The following PIEZO2 variants were observed in gnomAD, a reference collection of about 807,000 sequenced individuals.
PIEZO2 encodes the protein piezo type mechanosensitive ion channel component 2, also known as piezo-type mechanosensitive ion channel component 2.
In PIEZO2, 172 loss-of-function variants were observed where a neutral mutation model predicts 337.3. The ratio of observed to expected loss-of-function variants is 0.51; its 90% CI spans 0.45 to 0.58. The LOEUF is 0.58. Ranked by LOEUF, PIEZO2 falls within the 20% of genes least tolerant of loss-of-function variation. PIEZO2 has a pLI of 0.00. For missense variants in PIEZO2, 3,028 were observed against 3,391.3 expected (o/e 0.89, Z 2.66); for synonymous variants, 1,251 against 1,228.5 (o/e 1.02, Z -0.38).
rs2036534767 is a variant in PIEZO2, at chr18:10,726,283, G to C, written c.5029+5124C>G. Reference sequence around the variant, plus strand: ...TGTTCGGGAGCATGAGAATGGAAGCGTCGCGGCCAGAGCCCCGGCCAGGTG... The same window carrying C: ...TGTTCGGGAGCATGAGAATGGAAGCCTCGCGGCCAGAGCCCCGGCCAGGTG... On this transcript the variant is annotated intron_variant, in intron 36 of 55. Coordinates refer to ENST00000674853, the MANE Select transcript of PIEZO2 (RefSeq NM_001378183.1). The surrounding 1 kb of genome is among the most constrained non-coding windows in gnomAD (Gnocchi z 5.9). 14 of 906,066 alleles carry C rather than the reference G, an allele frequency of 1.5e-5. No individual in the cohort carries two copies. Among genetic ancestry groups the C allele is most frequent in the Non-Finnish European group, 2.4e-5 (14 of 584,202 alleles). 56.1% of individuals were successfully genotyped at this position (906,066 alleles called of 1,614,324 possible). A position where few individuals can be genotyped will look rare whatever the true frequency, so the allele number is the denominator to read the frequency against.
Position 10,705,573 on chromosome 18 carries a change from C to T in PIEZO2, c.5762G>A (p.Ser1921Asn), listed in dbSNP as rs553122682. The change falls in exon 41 of 56, where the codon AGC (serine) becomes AAC (asparagine). Residue 1921 changes from serine to asparagine, a missense_variant. Around this residue, in one of 5 missense-constraint regions of PIEZO2, gnomAD observed 1,925 missense variants for 2,051.9 expected, o/e 0.94. Coordinates refer to ENST00000674853, the MANE Select transcript of PIEZO2 (RefSeq NM_001378183.1). ...DVGAMGAEEA[S>N]LTPEEELTQF... ...TGTCAGCTCTTCCTCTGGGGTGAGGCTGGCCTCCTCGGCACCCATGGCTCC... is the reference window on the plus strand; with the variant it reads ...TGTCAGCTCTTCCTCTGGGGTGAGGTTGGCCTCCTCGGCACCCATGGCTCC... 4 of 1,537,244 alleles carry T rather than the reference C, an allele frequency of 2.6e-6. No homozygotes were observed. The highest frequency in any genetic ancestry group is 3.5e-6 in the Non-Finnish European group (4 of 1,146,898).
chr18:11,006,692 T>C (rs1377191439), intron 2 of PIEZO2, among the ~76,000 whole-genome samples: 2 of 152,060 alleles, frequency 1.3e-5, no homozygotes, highest in Non-Finnish European at 2.9e-5. Context: ...CTTTCTTTCC[T>C]CCTCCCCTGC....
chr18:11,140,295 A>C (rs1432550793), intron 1 of PIEZO2, among the ~76,000 whole-genome samples: 1 of 152,146 alleles, frequency 6.6e-6, no homozygotes, highest in Non-Finnish European at 1.5e-5. Context: ...GATCCCTTCC[A>C]CTACAGCATA....
chr18:11,102,334 C>G lies in PIEZO2; in HGVS notation c.65-36112G>C, dbSNP rs920429351. Among the ~76,000 whole-genome samples, 1 of 152,196 alleles carries G rather than the reference C, an allele frequency of 6.6e-6. No individual in the cohort carries two copies. The highest frequency in any genetic ancestry group is 2.1e-4 in the South Asian group (1 of 4,830). ...GACTTTTCTGCTCTCTCTTAGATAA[C>G]AGACAGTTTTTGGTAATAAGTTACC... On this transcript the variant is annotated intron_variant, in intron 1 of 55. Transcript: ENST00000674853. This position sits in a 1 kb window ranked among gnomAD's most constrained non-coding sequence, Gnocchi z 5.7.
chr18:10,915,900 T>C (rs763473997), intron 3 of PIEZO2, among the ~76,000 whole-genome samples: 19 of 150,950 alleles, frequency 1.3e-4, no homozygotes, highest in Non-Finnish European at 2.2e-4. Flanking sequence ...AGAGTGCTGA[T>C]TGGTGCATTT....
intron 44 of PIEZO2, 63 bp from the exon 45 acceptor site, chr18:10,697,943 C>A: frequency 6.5e-7 from 1 of 1,536,910 alleles, no homozygotes; most frequent in East Asian, 2.4e-5. Context: ...CCTAAATATC[C>A]AAGAAGCAGA....
In PIEZO2 at chr18:11,092,184, G is replaced by A. The variant is rs768188057; in HGVS notation, c.65-25962C>T. Among the ~76,000 whole-genome samples the A allele has an allele frequency of 2.3e-4, 35 of 152,238 alleles. No individual in the cohort carries two copies. Among genetic ancestry groups the A allele is most frequent in the African/African-American group, 7.7e-4 (32 of 41,546 alleles). On this transcript the variant is annotated intron_variant, in intron 1 of 55. Coordinates refer to ENST00000674853, the MANE Select transcript of PIEZO2 (RefSeq NM_001378183.1). The surrounding 1 kb of genome is among the most constrained non-coding windows in gnomAD (Gnocchi z 4.5). ...TGGAGCATAATTCTCGTCCAAGATC[G>A]AGAACACATCATTAGAAGCACTATT...
chr18:10,998,830 A>G (rs2035428440), intron 2 of PIEZO2, among the ~76,000 whole-genome samples: 2 of 146,240 alleles, frequency 1.4e-5, no homozygotes, highest in Non-Finnish European at 3.0e-5. Context: ...CATACATTTT[A>G]TTTATTTCTG....
intron 7 of PIEZO2, among the ~76,000 whole-genome samples, chr18:10,823,997 A>C (rs970284422): frequency 3.9e-5 from 6 of 152,244 alleles, no homozygotes; most frequent in Admixed American, 2.6e-4. Flanking sequence ...CTTCTTCCTC[A>C]AGCCTTATCC....
chr18:10,799,888 G>C (rs1313218860), intron 11 of PIEZO2, among the ~76,000 whole-genome samples: 1 of 151,720 alleles, frequency 6.6e-6, no homozygotes, highest in African/African-American at 2.4e-5. Flanking sequence ...CAGGAGAATG[G>C]CGTGAACCCG....
intron 4 of PIEZO2, among the ~76,000 whole-genome samples, chr18:10,909,070 A>G (rs1420062132): frequency 1.3e-5 from 2 of 152,210 alleles, no homozygotes; most frequent in Non-Finnish European, 2.9e-5. Flanking sequence ...GGCTGAGCCA[A>G]GGAGAAACAG....
rs1371045803 is a variant in PIEZO2, at chr18:10,850,264, G to C, written c.917+5089C>G. On this transcript the variant is annotated intron_variant, in intron 7 of 55. Coordinates refer to ENST00000674853, the MANE Select transcript of PIEZO2 (RefSeq NM_001378183.1). The surrounding 1 kb of genome is among the most constrained non-coding windows in gnomAD (Gnocchi z 4.5). ...TTTGGGACCATGGGGTGAAAAGAAGGGATTACTCTAGAGAAAAATGAAACT... is the reference window on the plus strand; with the variant it reads ...TTTGGGACCATGGGGTGAAAAGAAGCGATTACTCTAGAGAAAAATGAAACT... Among the ~76,000 whole-genome samples, 2 of 152,146 alleles carry C rather than the reference G, an allele frequency of 1.3e-5. No individual in the cohort carries two copies. The highest frequency in any genetic ancestry group is 4.8e-5 in the African/African-American group (2 of 41,416).
chr18:10,786,917 T>A, intron 16 of PIEZO2, 119 bp downstream of exon 16: 1 of 1,009,496 alleles, frequency 9.9e-7, no homozygotes, highest in Non-Finnish European at 1.4e-6. Context: ...TTTCTATTAT[T>A]GAGGAACTTA....
chr18:10,960,651 T>A (rs2033731686), intron 3 of PIEZO2, among the ~76,000 whole-genome samples: 2 of 152,104 alleles, frequency 1.3e-5, no homozygotes, highest in South Asian at 4.1e-4. Flanking sequence ...CTGAGCTGAT[T>A]ACTCAGACTA....
At chr18:11,140,706 G>C (rs917193153) in intron 1 of PIEZO2, among the ~76,000 whole-genome samples, 1 of 152,130 alleles carries the variant, frequency 6.6e-6, no homozygotes, top group East Asian at 1.9e-4. Flanking sequence ...TACTGTTATT[G>C]CATGCTAATA....
rs2036593487 is a variant in PIEZO2 at position 10,727,628 on chromosome 18, ACG to A, written c.5029+3777_5029+3778del. On this transcript the variant is annotated intron_variant, in intron 36 of 55. Coordinates refer to ENST00000674853, the MANE Select transcript of PIEZO2 (RefSeq NM_001378183.1). This position sits in a 1 kb window ranked among gnomAD's most constrained non-coding sequence, Gnocchi z 6.3. ...ATTTTCCTAGCCCCACTCCCATTAC[ACG>A]CACACACACACACACACATACAGAG... 2 of 152,154 alleles carry A rather than the reference ACG, an allele frequency of 1.3e-5. No homozygotes were observed. Among genetic ancestry groups the A allele is most frequent in the African/African-American group, 2.4e-5 (1 of 41,156 alleles). 9.4% of individuals were successfully genotyped at this position (152,154 alleles called of 1,614,324 possible). A position where few individuals can be genotyped will look rare whatever the true frequency, so the allele number is the denominator to read the frequency against.
rs1415707044 is a variant in PIEZO2 at position 11,111,069 on chromosome 18, G to C, written c.64+37456C>G. On this transcript the variant is annotated intron_variant, in intron 1 of 55. Transcript: ENST00000674853. This position sits in a 1 kb window ranked among gnomAD's most constrained non-coding sequence, Gnocchi z 6.2. ...GCAGACAGGGCAGAGGACAGACAGGGAGCCTCCCCAAGCACTAGGGAGGTG... is the reference window on the plus strand; with the variant it reads ...GCAGACAGGGCAGAGGACAGACAGGCAGCCTCCCCAAGCACTAGGGAGGTG... 6.6e-6 allele frequency among the ~76,000 whole-genome samples: 1 copy of C among 152,188 alleles called. No individual in the cohort carries two copies. The highest frequency in any genetic ancestry group is 3.2e-3 in the Middle Eastern group (1 of 316).
chr18:10,841,155 T>C (rs547989252), intron 7 of PIEZO2, among the ~76,000 whole-genome samples: 2 of 152,216 alleles, frequency 1.3e-5, no homozygotes, highest in East Asian at 1.9e-4. Flanking sequence ...CAATCAAAAA[T>C]ATATGATACA....
chr18:10,793,389 G>A (rs2039475782), intron 13 of PIEZO2, among the ~76,000 whole-genome samples: 1 of 152,112 alleles, frequency 6.6e-6, no homozygotes, highest in Non-Finnish European at 1.5e-5. Context: ...TATAAGTGCA[G>A]AACCTAGGTT....
Sources: allele counts gnomAD v4.1 joint callset (sites outside exome capture counted in the v4.1 genomes callset), GRCh38; gene constraint gnomAD v4.1.1; regional missense constraint gnomAD v4.1.1; non-coding constraint Gnocchi (gnomAD v3.1); transcripts MANE v1.5; gene names NCBI Gene and HGNC (gene_info 2026-07-23, HGNC 2026-07-21).